HMGN5: variants seen among roughly 807,000 people sequenced by gnomAD.
HMGN5 encodes high mobility group nucleosome-binding domain-containing protein 5.
Under a neutral mutation model 9.5 loss-of-function variants are expected in HMGN5, and 4 were observed. The observed-to-expected ratio is 0.42, with a 90% CI of 0.21 to 0.96. The LOEUF is 0.96. Ranked by LOEUF, HMGN5 falls within the 40% of genes least tolerant of loss-of-function variation. HMGN5 has a pLI of 0.30. For synonymous variants in HMGN5, 55 were observed against 57.1 expected, an observed-to-expected ratio of 0.96 and a Z score of 0.16; for missense variants, 192 against 187.5, an observed-to-expected ratio of 1.02 and a Z score of -0.14.
chrX:81,140,755 ACTC>A (rs2147553722), intron 1 of HMGN5, among the ~76,000 whole-genome samples: 1 of 109,661 alleles, frequency 9.1e-6, no homozygotes, highest in East Asian at 2.9e-4. Context: ...ACAGTGCAAA[ACTC>A]CTTCTGCTTG....
intron 1 of HMGN5, among the ~76,000 whole-genome samples, chrX:81,164,745 T>C (rs1468262931): frequency 9.0e-6 from 1 of 111,191 alleles, no homozygotes; most frequent in African/African-American, 3.3e-5. Context: ...ATATTGAAGG[T>C]GAGGGGATTG....
intron 1 of HMGN5, among the ~76,000 whole-genome samples, chrX:81,147,066 G>A (rs2075346965): frequency 9.0e-6 from 1 of 111,454 alleles, no homozygotes; most frequent in South Asian, 3.8e-4. Context: ...TTCTACTAGA[G>A]GTACAAAGAG....
intron 2 of HMGN5, among the ~76,000 whole-genome samples, chrX:81,120,288 A>G (rs1449716965): frequency 5.4e-5 from 6 of 111,540 alleles, no homozygotes; most frequent in African/African-American, 9.8e-5. Context: ...CAGCCCCCAC[A>G]GTGTTTTCTT....
At chrX:81,170,878 T>G (rs2075424353) in intron 1 of HMGN5, among the ~76,000 whole-genome samples, 1 of 110,804 alleles carries the variant, frequency 9.0e-6, no homozygotes, top group Non-Finnish European at 1.9e-5. Context: ...ATTATTGCCA[T>G]TTTGTAGATG....
intron 1 of HMGN5, among the ~76,000 whole-genome samples, chrX:81,136,801 C>A (rs1438210150): frequency 9.0e-6 from 1 of 111,322 alleles, no homozygotes; most frequent in East Asian, 2.8e-4. Context: ...ATACTGTTTG[C>A]AAGAAACACT....
At chrX:81,181,405 G>A (rs2075462535) in intron 1 of HMGN5, among the ~76,000 whole-genome samples, 1 of 110,842 alleles carries the variant, frequency 9.0e-6, no homozygotes, top group South Asian at 3.8e-4. Flanking sequence ...AATCATATTG[G>A]TGTAAATGGG....
intron 1 of HMGN5, among the ~76,000 whole-genome samples, chrX:81,172,319 G>C (rs932127982): frequency 1.8e-5 from 2 of 111,102 alleles, no homozygotes; most frequent in African/African-American, 6.5e-5. Context: ...AACCTAAGCT[G>C]GGTATTAGAT....
intron 1 of HMGN5, among the ~76,000 whole-genome samples, chrX:81,153,806 C>T (rs2075375683): frequency 9.8e-6 from 1 of 101,680 alleles, no homozygotes; most frequent in Non-Finnish European, 2.0e-5. Flanking sequence ...AATTAAATAC[C>T]TAGGAATTAA....
At chrX:81,151,559 A>C (rs1288975276) in intron 1 of HMGN5, among the ~76,000 whole-genome samples, 1 of 110,475 alleles carries the variant, frequency 9.1e-6, no homozygotes, top group African/African-American at 3.3e-5. Context: ...TTTTCACGAT[A>C]TTGATTCTTC....
chrX:81,127,508 C>T (rs774344308), intron 1 of HMGN5, among the ~76,000 whole-genome samples: 5 of 111,274 alleles, frequency 4.5e-5, no homozygotes, highest in Admixed American at 9.6e-5. Context: ...AAGTTAAATG[C>T]GATTTTTTAG....
At chrX:81,116,154 AC>A (rs759673739) in intron 6 of HMGN5, 49 bp downstream of exon 6, 35 of 965,478 alleles carry the variant, frequency 3.6e-5, no homozygotes, top group Non-Finnish European at 4.8e-5. Context: ...TTTCAGTTGT[AC>A]CCATTGTTAA....
Position 81,114,451 on chromosome X carries a change from A to C in HMGN5, c.*198T>G, listed in dbSNP as rs1308472717. Reference sequence around the variant, plus strand: ...CATATTTTTTTCTATGTATTCCACTACTATAATCACAAAATTTATAGATAA... The same window carrying C: ...CATATTTTTTTCTATGTATTCCACTCCTATAATCACAAAATTTATAGATAA... On this transcript the variant is annotated 3_prime_UTR_variant, in exon 7 of 7. Coordinates refer to ENST00000358130, the MANE Select transcript of HMGN5 (RefSeq NM_030763.3). 3.0e-6 allele frequency: 1 copy of C among 337,665 alleles called. No homozygotes were observed. Among genetic ancestry groups the C allele is most frequent in the Admixed American group, 5.7e-5 (1 of 17,399 alleles). The allele number at this position is 337,665 out of a possible 1,213,427, so 27.8% of individuals were successfully genotyped here. A position where few individuals can be genotyped will look rare whatever the true frequency, so the allele number is the denominator to read the frequency against.
chrX:81,121,783 C>T, intron 1 of HMGN5, 111 bp from the exon 2 acceptor site: 3 of 312,956 alleles, frequency 9.6e-6, no homozygotes, highest in Non-Finnish European at 1.7e-5. Context: ...GACAGGCTCT[C>T]AGGCCAATAA....
At chrX:81,162,151 AG>A (rs1225641162) in intron 1 of HMGN5, among the ~76,000 whole-genome samples, 1 of 110,880 alleles carries the variant, frequency 9.0e-6, no homozygotes, top group African/African-American at 3.3e-5. Context: ...TTTAAGTTTA[AG>A]GGGGTTATAC....
rs923608724 is a variant in HMGN5, at chrX:81,114,834, C to CT, written c.663dup (p.Glu222ArgfsTer11). 1.7e-6 allele frequency: 2 copies of CT among 1,157,902 alleles called. No homozygotes were observed. The highest frequency in any genetic ancestry group is 1.8e-5 in the African/African-American group (1 of 54,869). On this transcript the variant is annotated frameshift_variant, in exon 7 of 7. Transcript: ENST00000358130. LOFTEE classifies it low-confidence loss of function (END_TRUNC). ...TCTTTGACTTTTACATCTTTCCCCTCTTTTTTATCTCCCTTCTCTTTTCCA... is the reference window on the plus strand; with the variant it reads ...TCTTTGACTTTTACATCTTTCCCCTCTTTTTTTATCTCCCTTCTCTTTTCCA...
intron 1 of HMGN5, among the ~76,000 whole-genome samples, chrX:81,200,195 A>C (rs1161883207): frequency 8.9e-6 from 1 of 112,257 alleles, no homozygotes; most frequent in Non-Finnish European, 1.9e-5. Flanking sequence ...TGCTAGTTAG[A>C]ATGGCAATCA....
intron 1 of HMGN5, among the ~76,000 whole-genome samples, chrX:81,144,088 C>T (rs144503058): frequency 0.012 from 1,289 of 111,640 alleles, 18 homozygotes; most frequent in African/African-American, 0.039. Flanking sequence ...GAGACTTAAA[C>T]GTCCCTGCAT....
intron 1 of HMGN5, among the ~76,000 whole-genome samples, chrX:81,196,578 G>C (rs1211136170): frequency 1.8e-5 from 2 of 109,000 alleles, no homozygotes; most frequent in African/African-American, 6.7e-5. Flanking sequence ...GTTTTTTGAG[G>C]AGTTTAGCTC....
intron 1 of HMGN5, among the ~76,000 whole-genome samples, chrX:81,160,076 ATGT>A (rs992414234): frequency 9.8e-5 from 11 of 111,755 alleles, no homozygotes; most frequent in African/African-American, 1.6e-4. Flanking sequence ...AATGCTTGTG[ATGT>A]TGTTGTAGAT....
Sources: gnomAD v4.1 joint callset for allele counts (sites outside exome capture counted in the v4.1 genomes callset) on GRCh38, gnomAD v4.1.1 for gene constraint, MANE v1.5 for transcripts, NCBI Gene and HGNC (gene_info 2026-07-23, HGNC 2026-07-21) for gene names.